The following TBC1D8 variants were observed in gnomAD, a reference collection of about 807,000 sequenced individuals.
TBC1D8 encodes the protein BUB2-like protein 1.
In TBC1D8, 65 loss-of-function variants were observed where a neutral mutation model predicts 118.8. The observed-to-expected ratio is 0.55, with a 90% CI of 0.45 to 0.67. The LOEUF (loss-of-function observed/expected upper bound fraction) is 0.67. Ranked by LOEUF, TBC1D8 falls within the 30% of genes least tolerant of loss-of-function variation. The probability of loss-of-function intolerance (pLI) is 0.00; values close to 1 mark genes in which losing one functional copy is unlikely to be tolerated. For synonymous variants in TBC1D8, 566 were observed against 595.8 expected (o/e 0.95, Z 0.73); for missense variants, 1,376 against 1,471.2 (o/e 0.94, Z 1.06).
chr2:101,040,801 T>C (rs1031562222), intron 5 of TBC1D8, among the ~76,000 whole-genome samples: 3 of 152,186 alleles, frequency 2.0e-5, no homozygotes, highest in African/African-American at 4.8e-5. Flanking sequence ...CTGGCACAAT[T>C]TGTATTTAAG....
In TBC1D8 at chr2:101,028,101, T is replaced by C; in HGVS notation, c.2398A>G (p.Lys800Glu). 1 of 1,613,956 alleles carries C rather than the reference T, an allele frequency of 6.2e-7. No homozygotes were observed. The highest frequency in any genetic ancestry group is 8.5e-7 in the Non-Finnish European group (1 of 1,179,898). The change falls in exon 14 of 20, where the codon AAG (lysine) becomes GAG (glutamate). Residue 800 changes from lysine to glutamate, a missense_variant. Transcript: ENST00000409318. ...SVEQIEHLRY[K>E]HRIRVLQGHE... ...CCTTGGAGGACCCTGATCCTGTGCT[T>C]GTAACGTAGGTGCTCGATCTGCTCC...
chr2:101,051,814 T>A (rs376539695), intron 4 of TBC1D8, among the ~76,000 whole-genome samples: 1 of 152,222 alleles, frequency 6.6e-6, no homozygotes. Flanking sequence ...AAATAACAGA[T>A]GCTGGCGAGG....
At chr2:101,040,460 T>G (rs1012994283) in intron 5 of TBC1D8, 75 bp from the exon 6 acceptor site, 3 of 1,398,188 alleles carry the variant, frequency 2.1e-6, no homozygotes, top group Non-Finnish European at 2.9e-6. Context: ...AGGAAAATAC[T>G]TTTCCTTTTT....
intron 1 of TBC1D8, among the ~76,000 whole-genome samples, chr2:101,114,653 A>G (rs748314254): frequency 4.6e-5 from 7 of 152,262 alleles, no homozygotes; most frequent in African/African-American, 1.4e-4. Flanking sequence ...ACACTGTGTC[A>G]GTAATTAAAT....
rs755509240 is a variant in TBC1D8, at chr2:101,027,458, GA to G, written c.2452-8del. The stretch of plus-strand genomic sequence containing the variant: ...CCGGGATAACGACTCGAAGCTTGAG[GA>G]AAGAATAAACAGCAATGGCGTGAAA... On this transcript the variant is annotated splice_polypyrimidine_tract_variant and splice_region_variant and intron_variant, in intron 14 of 19. Transcript: ENST00000409318. 8.7e-6 allele frequency: 14 copies of G among 1,612,524 alleles called. No individual in the cohort carries two copies. Among genetic ancestry groups the G allele is most frequent in the Non-Finnish European group, 1.1e-5 (13 of 1,178,982 alleles).
At position 101,011,479 on chromosome 2, in the gene TBC1D8, C is replaced by T. The variant is rs372947984; in HGVS notation, c.2889G>A (p.Ser963=). The T allele has an allele frequency of 6.8e-6, 11 of 1,613,604 alleles. No homozygotes were observed. The African/African-American group carries it at 1.1e-4, about 16-fold the overall frequency. ...TGGGTTTCCCGAAAACCAGGGGTCT[C>T]GATGTTGACAACAGAGGATTCCTCA... ...SPLRNPLLST[S]RPLVFGKPNG... The change falls in exon 18 of 20, where the codon TCG becomes TCA. Residue 963 remains serine, a synonymous_variant. Transcript: ENST00000409318.
chr2:101,043,808 C>T lies in TBC1D8; in HGVS notation c.873-3423G>A, dbSNP rs13418773. Among the ~76,000 whole-genome samples, 311 of 152,176 alleles carry T rather than the reference C, an allele frequency of 2.0e-3. 1 individual carries two copies. Among genetic ancestry groups the T allele is most frequent in the African/African-American group, 6.6e-3 (274 of 41,524 alleles). On this transcript the variant is annotated intron_variant, in intron 5 of 19. Transcript: ENST00000409318. ...TACAAAAATTAACTGGGCATGGTGA[C>T]GGGTGCCTGTAAACCCAGCTGCTCA... is the stretch of plus-strand genomic sequence containing the variant.
chr2:101,145,983 T>A (rs1679302661), intron 1 of TBC1D8, among the ~76,000 whole-genome samples: 1 of 152,260 alleles, frequency 6.6e-6, no homozygotes, highest in African/African-American at 2.4e-5. Flanking sequence ...TCAGTTTTTT[T>A]AAATTGTACT....
intron 1 of TBC1D8, among the ~76,000 whole-genome samples, chr2:101,136,006 G>A (rs1276014844): frequency 3.3e-5 from 5 of 152,100 alleles, no homozygotes; most frequent in Non-Finnish European, 7.4e-5. Flanking sequence ...CTACAGGCAG[G>A]CACCACCACG....
intron 1 of TBC1D8, among the ~76,000 whole-genome samples, chr2:101,107,890 A>G (rs1234417853): frequency 2.1e-4 from 32 of 152,124 alleles, no homozygotes; most frequent in Non-Finnish European, 7.4e-5. Flanking sequence ...AAGGTAAGTC[A>G]TGTTGACAGA....
chr2:101,101,961 C>T (rs947755049), intron 1 of TBC1D8, among the ~76,000 whole-genome samples: 14 of 148,414 alleles, frequency 9.4e-5, no homozygotes, highest in African/African-American at 3.0e-4. Flanking sequence ...CACCATGGTA[C>T]ACATATACCT....
rs138755019 is a variant in TBC1D8 at position 101,143,847 on chromosome 2, C to A, written c.127+7280G>T. ...AAGTGCTAGGACTACAGGCGTGAGCCCCCTTGCCCGGCATCAACAGGTAGT... is the reference window on the plus strand; with the variant it reads ...AAGTGCTAGGACTACAGGCGTGAGCACCCTTGCCCGGCATCAACAGGTAGT... On this transcript the variant is annotated intron_variant, in intron 1 of 19. Transcript: ENST00000409318. Among the ~76,000 whole-genome samples the A allele has an allele frequency of 5.0e-4, 76 of 152,324 alleles. 1 individual carries two copies. The highest frequency in any genetic ancestry group is 1.7e-3 in the African/African-American group (71 of 41,556).
At chr2:101,071,916 G>A (rs1021605874) in intron 2 of TBC1D8, among the ~76,000 whole-genome samples, 1 of 152,130 alleles carries the variant, frequency 6.6e-6, no homozygotes, top group Non-Finnish European at 1.5e-5. Context: ...ATGAATCAGA[G>A]GAATCACAAT....
At chr2:101,072,230 A>G (rs1461050069) in intron 2 of TBC1D8, among the ~76,000 whole-genome samples, 1 of 152,214 alleles carries the variant, frequency 6.6e-6, no homozygotes, top group African/African-American at 2.4e-5. Context: ...AAAGAGGTTT[A>G]ATTGGCTCAC....
chr2:101,050,495 C>G lies in TBC1D8; in HGVS notation c.778G>C (p.Glu260Gln). The G allele has an allele frequency of 6.2e-7, 1 of 1,613,926 alleles. No homozygotes were observed. Among genetic ancestry groups the G allele is most frequent in the Non-Finnish European group, 8.5e-7 (1 of 1,179,856 alleles). The change falls in exon 5 of 20, where the codon GAG (glutamate) becomes CAG (glutamine). Residue 260 changes from glutamate to glutamine, a missense_variant. By Grantham distance (29) the Glu-to-Gln change is conservative (BLOSUM62 2). Coordinates refer to ENST00000409318, the MANE Select transcript of TBC1D8 (RefSeq NM_001330348.2). ...LNLDEVFKVMEQLADVTLRRL... is the reference protein window; with the variant it reads ...LNLDEVFKVMQQLADVTLRRL... ...CGCAGCGTCACGTCGGCCAGCTGCT[C>G]CATGACCTTAAACACCTCATCCAGG...
At chr2:101,087,892 G>A (rs1675745564) in intron 2 of TBC1D8, among the ~76,000 whole-genome samples, 1 of 152,080 alleles carries the variant, frequency 6.6e-6, no homozygotes, top group Non-Finnish European at 1.5e-5. Flanking sequence ...TTCAAACATT[G>A]TTTTTCAAAA....
chr2:101,023,630 T>A, intron 15 of TBC1D8: 1 of 438,424 alleles, frequency 2.3e-6, no homozygotes, highest in Non-Finnish European at 4.6e-6. Flanking sequence ...TTAAGTTTTT[T>A]TTTTAAGGTG....
intron 17 of TBC1D8, among the ~76,000 whole-genome samples, chr2:101,018,770 A>G (rs1218817929): frequency 2.0e-5 from 3 of 152,230 alleles, no homozygotes; most frequent in East Asian, 1.9e-4. Flanking sequence ...TCCATTTTCA[A>G]TATAACTTTC....
chr2:101,026,779 C>T (rs1680365224), intron 15 of TBC1D8, among the ~76,000 whole-genome samples: 2 of 152,198 alleles, frequency 1.3e-5, no homozygotes, highest in African/African-American at 4.8e-5. Flanking sequence ...TGAAGATGTT[C>T]TTTGCAGGAT....
Sources: gnomAD v4.1 joint callset for allele counts (sites outside exome capture counted in the v4.1 genomes callset) on GRCh38, gnomAD v4.1.1 for gene constraint, MANE v1.5 for transcripts, NCBI Gene and HGNC (gene_info 2026-07-23, HGNC 2026-07-21) for gene names.